SLC15A2: variants seen among roughly 807,000 people sequenced by gnomAD.
SLC15A2 encodes the protein solute carrier family 15 member 2.
A neutral mutation model predicts 95.5 loss-of-function variants in SLC15A2; 77 were observed. The ratio of observed to expected loss-of-function variants is 0.81; its 90% CI spans 0.67 to 0.97. The LOEUF (loss-of-function observed/expected upper bound fraction) is 0.97. Among genes scored for constraint, SLC15A2 ranks in the 50% least tolerant of loss-of-function variants. The probability of loss-of-function intolerance (pLI) is 0.00; values close to 1 mark genes in which losing one functional copy is unlikely to be tolerated. For missense variants in SLC15A2, 893 were observed against 874.4 expected, an observed-to-expected ratio of 1.02 and a Z score of -0.27; for synonymous variants, 306 against 306.9, an observed-to-expected ratio of 1.00 and a Z score of 0.03.
intron 4 of SLC15A2, among the ~76,000 whole-genome samples, chr3:121,912,601 T>C (rs1709791787): frequency 6.6e-6 from 1 of 152,168 alleles, no homozygotes; most frequent in South Asian, 2.1e-4. Context: ...TTGCTATTAA[T>C]TATGATGAAT....
At chr3:121,897,692 T>C (rs1362096319) in intron 3 of SLC15A2, among the ~76,000 whole-genome samples, 163 bp downstream of exon 3, 1 of 152,214 alleles carries the variant, frequency 6.6e-6, no homozygotes, top group Admixed American at 6.5e-5. Context: ...AAAAAGAATC[T>C]CTGTGGTAAC....
intron 5 of SLC15A2, among the ~76,000 whole-genome samples, chr3:121,913,375 T>C (rs775375936): frequency 6.6e-6 from 1 of 152,182 alleles, no homozygotes; most frequent in Non-Finnish European, 1.5e-5. Flanking sequence ...ATAGTTAGCC[T>C]GGACAAGAAT....
chr3:121,896,818 G>A (rs1709422995), intron 2 of SLC15A2, among the ~76,000 whole-genome samples: 1 of 144,172 alleles, frequency 6.9e-6, no homozygotes, highest in Non-Finnish European at 1.5e-5. Context: ...GGGCCCAGGA[G>A]TTCAAGGTTA....
At chr3:121,904,867 A>G (rs1166051408) in intron 3 of SLC15A2, among the ~76,000 whole-genome samples, 1 of 152,176 alleles carries the variant, frequency 6.6e-6, no homozygotes, top group Non-Finnish European at 1.5e-5. Flanking sequence ...GCCTCATCAA[A>G]TGAGTTAGGC....
chr3:121,895,442 G>A (rs1053873604), intron 1 of SLC15A2: 1 of 152,122 alleles, frequency 6.6e-6, no homozygotes, highest in East Asian at 1.9e-4. Flanking sequence ...TAATATTTAG[G>A]AGGATCATTT....
At chr3:121,900,197 C>A (rs1429012246) in intron 3 of SLC15A2, among the ~76,000 whole-genome samples, 1 of 152,118 alleles carries the variant, frequency 6.6e-6, no homozygotes, top group Non-Finnish European at 1.5e-5. Flanking sequence ...TGGCATTCAC[C>A]TCCACAAATC....
At chr3:121,897,298 G>A in intron 2 of SLC15A2, 90 bp from the exon 3 acceptor site, 1 of 1,497,820 alleles carries the variant, frequency 6.7e-7, no homozygotes, top group Non-Finnish European at 9.1e-7. Context: ...ACATTATAAA[G>A]ACCAGAGATT....
intron 3 of SLC15A2, among the ~76,000 whole-genome samples, chr3:121,898,195 T>G (rs1289493309): frequency 6.6e-6 from 1 of 152,210 alleles, no homozygotes; most frequent in East Asian, 1.9e-4. Flanking sequence ...TTGATGCTTT[T>G]ATGTAGTTAT....
At chr3:121,897,613 A>G (rs1271907681) in intron 3 of SLC15A2, 84 bp downstream of exon 3, 1 of 1,362,102 alleles carries the variant, frequency 7.3e-7, no homozygotes, top group Non-Finnish European at 1.0e-6. Flanking sequence ...CTTCTGAGTA[A>G]GAACATACCT....
chr3:121,894,507 G>C lies in SLC15A2; in HGVS notation c.31G>C (p.Glu11Gln). Reference sequence around the variant, plus strand: ...TCCTTTCCAGAAAAATGAGTCCAAGGAAACTCTTTTTTCACCTGTCTCCAT... The same window carrying C: ...TCCTTTCCAGAAAAATGAGTCCAAGCAAACTCTTTTTTCACCTGTCTCCAT... Reference protein sequence around the residue: MNPFQKNESKETLFSPVSIEE... With the variant: MNPFQKNESKQTLFSPVSIEE... Residue 11 changes from glutamate to glutamine, a missense_variant, in exon 1 of 22, where the codon GAA (glutamate) becomes CAA (glutamine). Coordinates refer to ENST00000489711, the MANE Select transcript of SLC15A2 (RefSeq NM_021082.4). The C allele has an allele frequency of 6.2e-7, 1 of 1,613,386 alleles. No homozygotes were observed. The highest frequency in any genetic ancestry group is 8.5e-7 in the Non-Finnish European group (1 of 1,179,666).
intron 17 of SLC15A2, among the ~76,000 whole-genome samples, chr3:121,929,887 G>T (rs868289820): frequency 2.6e-5 from 4 of 152,212 alleles, no homozygotes; most frequent in South Asian, 4.2e-4. Context: ...CTCTGTGGCT[G>T]GTATTAGATA....
intron 7 of SLC15A2, among the ~76,000 whole-genome samples, chr3:121,918,860 G>A (rs1371510787): frequency 6.6e-6 from 1 of 152,206 alleles, no homozygotes; most frequent in African/African-American, 2.4e-5. Flanking sequence ...GATTGGAGGA[G>A]ACTGAGAAGT....
At chr3:121,940,749 C>T in intron 21 of SLC15A2, 82 bp from the exon 22 acceptor site, 1 of 1,438,050 alleles carries the variant, frequency 7.0e-7, no homozygotes, top group Non-Finnish European at 9.5e-7. Context: ...CCAGGTCAGT[C>T]TGCTCCCCAC....
At chr3:121,940,720 T>A in intron 21 of SLC15A2, 111 bp from the exon 22 acceptor site, 2 of 1,176,904 alleles carry the variant, frequency 1.7e-6, no homozygotes, top group Non-Finnish European at 2.4e-6. Context: ...CCAGCAAAAG[T>A]CTGGTTAAAC....
chr3:121,896,601 C>A (rs1275600223), intron 2 of SLC15A2, 108 bp downstream of exon 2: 3 of 866,520 alleles, frequency 3.5e-6, no homozygotes, highest in Non-Finnish European at 3.9e-6. Flanking sequence ...TCCACTCTTT[C>A]TGCCTTGGTC....
chr3:121,903,728 G>T (rs1709568389), intron 3 of SLC15A2, among the ~76,000 whole-genome samples: 1 of 152,202 alleles, frequency 6.6e-6, no homozygotes, highest in Non-Finnish European at 1.5e-5. Flanking sequence ...TTTGGTACCA[G>T]TACCATGCTG....
intron 7 of SLC15A2, among the ~76,000 whole-genome samples, chr3:121,917,410 C>T (rs577682663): frequency 1.2e-4 from 18 of 152,154 alleles, no homozygotes; most frequent in Non-Finnish European, 2.4e-4. Context: ...CTTGAGGGAC[C>T]GGGCATAGTG....
rs34283616 is a variant in SLC15A2 at position 121,929,076 on chromosome 3, A to C, written c.1436A>C (p.His479Pro). 13 of 1,614,046 alleles carry C rather than the reference A, an allele frequency of 8.1e-6. No homozygotes were observed. Among genetic ancestry groups the C allele is most frequent in the Non-Finnish European group, 1.1e-5 (13 of 1,179,998 alleles). ...KYHNLSLYTE[H>P]SVQEKNWYSL... The stretch of plus-strand genomic sequence containing the variant: ...CACAATTTGTCTCTCTACACTGAGC[A>C]TTCTGTGCAGGAGAAGAACTGGTAC... Residue 479 changes from histidine to proline, a missense_variant, in exon 16 of 22, where the codon CAT becomes CCT. Transcript: ENST00000489711.
intron 4 of SLC15A2, 47 bp downstream of exon 4, chr3:121,911,713 G>A: frequency 8.2e-7 from 1 of 1,212,438 alleles, no homozygotes; most frequent in African/African-American, 1.5e-5. Flanking sequence ...TCAGACATTT[G>A]TTACAAATTA....
Sources: allele counts gnomAD v4.1 joint callset (sites outside exome capture counted in the v4.1 genomes callset), GRCh38; gene constraint gnomAD v4.1.1; transcripts MANE v1.5; gene names NCBI Gene and HGNC (gene_info 2026-07-23, HGNC 2026-07-21).